The following NMNAT2 variants were observed in gnomAD, a reference collection of about 807,000 sequenced individuals.
NMNAT2 encodes nicotinamide/nicotinic acid mononucleotide adenylyltransferase 2.
NMNAT2 carries 11 observed loss-of-function variants against 41.6 expected under a neutral mutation model. That is an observed-to-expected ratio of 0.26 (90% CI 0.17 to 0.44). NMNAT2 has a LOEUF of 0.44. Ranked by LOEUF, NMNAT2 falls within the 20% of genes least tolerant of loss-of-function variation. NMNAT2 has a pLI of 1.00. For missense variants in NMNAT2, 288 were observed against 407.7 expected (o/e 0.71, Z 2.53); for synonymous variants, 148 against 151.2 (o/e 0.98, Z 0.16).
At chr1:183,416,260 A>G (rs1190336296) in intron 1 of NMNAT2, among the ~76,000 whole-genome samples, 2 of 152,234 alleles carry the variant, frequency 1.3e-5, no homozygotes, top group African/African-American at 2.4e-5. Flanking sequence ...TCCTAGCTTC[A>G]GGAAGAAAGG....
chr1:183,344,960 G>A (rs1172712368), intron 1 of NMNAT2, among the ~76,000 whole-genome samples: 5 of 152,160 alleles, frequency 3.3e-5, no homozygotes, highest in Admixed American at 1.3e-4. Context: ...TCCTTCACTA[G>A]TTCAGAGCCA....
At chr1:183,411,990 C>G (rs1649130059) in intron 1 of NMNAT2, among the ~76,000 whole-genome samples, 1 of 152,058 alleles carries the variant, frequency 6.6e-6, no homozygotes, top group Non-Finnish European at 1.5e-5. Flanking sequence ...ACATTCAGCA[C>G]AAAGACTCTA....
chr1:183,252,615 T>TG lies in NMNAT2; in HGVS notation c.*25_*26insC. ...GGGGCTGACAAAGATGGAGGGGCCA[T>TG]TGTGTTGCCGGAGGACGAGGGGCTG... On this transcript the variant is annotated 3_prime_UTR_variant, in exon 11 of 11. Transcript: ENST00000287713. 1 of 1,487,764 alleles carries TG rather than the reference T, an allele frequency of 6.7e-7. No individual in the cohort carries two copies. Among genetic ancestry groups the TG allele is most frequent in the East Asian group, 2.3e-5 (1 of 44,302 alleles). The allele number at this position is 1,487,764 out of a possible 1,614,324, so 92.2% of individuals were successfully genotyped here. A position where few individuals can be genotyped will look rare whatever the true frequency, so the allele number is the denominator to read the frequency against.
Position 183,355,070 on chromosome 1 carries a change from A to G in NMNAT2, c.86-61277T>C, listed in dbSNP as rs186330623. Among the ~76,000 whole-genome samples the G allele has an allele frequency of 1.3e-3, 196 of 152,188 alleles. 1 individual carries two copies. The highest frequency in any genetic ancestry group is 4.1e-3 in the African/African-American group (171 of 41,512). On this transcript the variant is annotated intron_variant, in intron 1 of 10. Coordinates refer to ENST00000287713, the MANE Select transcript of NMNAT2 (RefSeq NM_015039.4). ...GGTCCATGCAACCCCTGGCCCACCC[A>G]CTGCACTGTAGCCATGCTGGTGTCC...
chr1:183,365,495 G>C (rs1557890610), intron 1 of NMNAT2, among the ~76,000 whole-genome samples: 1 of 152,152 alleles, frequency 6.6e-6, no homozygotes, highest in Non-Finnish European at 1.5e-5. Context: ...GGTGGCTCAT[G>C]CCTGTAATCT....
intron 1 of NMNAT2, among the ~76,000 whole-genome samples, chr1:183,352,264 G>A (rs547355149): frequency 6.6e-6 from 1 of 152,064 alleles, no homozygotes; most frequent in South Asian, 2.1e-4. Context: ...CTTGACATTG[G>A]ATAAGAGATG....
intron 8 of NMNAT2, among the ~76,000 whole-genome samples, chr1:183,266,377 G>C (rs1056719050): frequency 1.3e-5 from 2 of 152,048 alleles, no homozygotes; most frequent in Non-Finnish European, 2.9e-5. Flanking sequence ...TCACCTTCTT[G>C]GTGAGATCCT....
At chr1:183,339,814 T>A (rs1444077571) in intron 1 of NMNAT2, among the ~76,000 whole-genome samples, 1 of 152,108 alleles carries the variant, frequency 6.6e-6, no homozygotes, top group Non-Finnish European at 1.5e-5. Flanking sequence ...TATCTCTGCC[T>A]TCTGAGTGGC....
At chr1:183,300,318 C>T (rs999636877) in intron 1 of NMNAT2, among the ~76,000 whole-genome samples, 1 of 151,784 alleles carries the variant, frequency 6.6e-6, no homozygotes, top group Admixed American at 6.6e-5. Flanking sequence ...AAAAGAATCA[C>T]TTGAACCCAG....
At chr1:183,334,467 C>A (rs145841341) in intron 1 of NMNAT2, among the ~76,000 whole-genome samples, 2 of 152,026 alleles carry the variant, frequency 1.3e-5, no homozygotes, top group Admixed American at 6.5e-5. Flanking sequence ...GAGTCTGTGT[C>A]GCCACAGGGC....
intron 1 of NMNAT2, among the ~76,000 whole-genome samples, chr1:183,327,506 A>G (rs1662494810): frequency 6.6e-6 from 1 of 152,216 alleles, no homozygotes; most frequent in Non-Finnish European, 1.5e-5. Context: ...CCTTCTTGCT[A>G]CCTCGACAGC....
At chr1:183,386,086 T>G (rs1648234499) in intron 1 of NMNAT2, among the ~76,000 whole-genome samples, 1 of 152,062 alleles carries the variant, frequency 6.6e-6, no homozygotes, top group Non-Finnish European at 1.5e-5. Context: ...GACTTAAAAA[T>G]TTGTTGTGTT....
chr1:183,261,556 T>C (rs916661755), intron 8 of NMNAT2, among the ~76,000 whole-genome samples: 12 of 152,222 alleles, frequency 7.9e-5, no homozygotes, highest in African/African-American at 2.9e-4. Flanking sequence ...AAGGAATCAG[T>C]GAACTCTTAT....
At chr1:183,284,657 G>C (rs1482725810) in intron 6 of NMNAT2, 53 bp downstream of exon 6, 1 of 1,422,514 alleles carries the variant, frequency 7.0e-7, no homozygotes, top group East Asian at 2.3e-5. Flanking sequence ...GGAATGAAGG[G>C]AGGAGAGAAA....
rs201605471 is a variant in NMNAT2 at position 183,418,166 on chromosome 1, T to G, written c.85+17A>C. 2 of 1,610,848 alleles carry G rather than the reference T, an allele frequency of 1.2e-6. No individual in the cohort carries two copies. The highest frequency in any genetic ancestry group is 1.7e-6 in the Non-Finnish European group (2 of 1,177,698). On this transcript the variant is annotated intron_variant, in intron 1 of 10. Transcript: ENST00000287713. The stretch of plus-strand genomic sequence containing the variant: ...GAGGAGCGGAAGCGGCTTCCAGAGG[T>G]GGGCGGGAGGACTCACCAAACATCT...
chr1:183,379,499 A>T (rs1663756300), intron 1 of NMNAT2, among the ~76,000 whole-genome samples: 1 of 152,214 alleles, frequency 6.6e-6, no homozygotes, highest in African/African-American at 2.4e-5. Flanking sequence ...CACTTTTAAT[A>T]TAAAGATATA....
intron 1 of NMNAT2, among the ~76,000 whole-genome samples, chr1:183,306,189 A>G (rs938812447): frequency 2.0e-5 from 3 of 152,162 alleles, no homozygotes; most frequent in African/African-American, 7.2e-5. Flanking sequence ...AGTCCCCGAC[A>G]AACTGTGTTG....
rs1265071421 is a variant in NMNAT2, at chr1:183,284,809, C to T, written c.449-19G>A. 1 of 1,604,796 alleles carries T rather than the reference C, an allele frequency of 6.2e-7. No homozygotes were observed. Among genetic ancestry groups the T allele is most frequent in the Non-Finnish European group, 8.5e-7 (1 of 1,171,584 alleles). On this transcript the variant is annotated intron_variant, in intron 5 of 10. Transcript: ENST00000287713. Reference sequence around the variant, plus strand: ...ATCTTGGCTATGGGAGAGAGCAAGACAGACAGGGACAGAGTGGGAGAGAAC... The same window carrying T: ...ATCTTGGCTATGGGAGAGAGCAAGATAGACAGGGACAGAGTGGGAGAGAAC...
intron 1 of NMNAT2, among the ~76,000 whole-genome samples, chr1:183,333,980 T>C (rs542824230): frequency 1.1e-4 from 16 of 152,344 alleles, no homozygotes; most frequent in Non-Finnish European, 1.6e-4. Flanking sequence ...GATCTCATTG[T>C]TCCCAGTTAA....
Sources: allele counts gnomAD v4.1 joint callset (sites outside exome capture counted in the v4.1 genomes callset), GRCh38; gene constraint gnomAD v4.1.1; transcripts MANE v1.5; gene names NCBI Gene and HGNC (gene_info 2026-07-23, HGNC 2026-07-21).